MALT1: variants seen among roughly 807,000 people sequenced by gnomAD.
MALT1 encodes mucosa-associated lymphoid tissue lymphoma translocation protein 1.
Under a neutral mutation model 85.5 loss-of-function variants are expected in MALT1, and 36 were observed. That is an observed-to-expected ratio of 0.42 (90% CI 0.32 to 0.56). MALT1 has a LOEUF of 0.56. MALT1 is among the 20% of genes least tolerant of loss of function. The pLI, the probability that MALT1 is intolerant of heterozygous loss-of-function variation, is 0.10. For synonymous variants in MALT1, 359 were observed against 361.3 expected (o/e 0.99, Z 0.07); for missense variants, 716 against 981.6 (o/e 0.73, Z 3.62).
At chr18:58,734,151 G>A in intron 11 of MALT1, 156 bp from the exon 12 acceptor site, 1 of 1,183,334 alleles carries the variant, frequency 8.5e-7, no homozygotes, top group Non-Finnish European at 1.1e-6. Context: ...GTTATTTTGG[G>A]TAGATATGTA....
chr18:58,745,364 GCT>G (rs1398392735), intron 15 of MALT1, among the ~76,000 whole-genome samples: 3 of 152,216 alleles, frequency 2.0e-5, no homozygotes, highest in Non-Finnish European at 2.9e-5. Flanking sequence ...CACTAATGGG[GCT>G]CTCTCTGCTT....
intron 1 of MALT1, among the ~76,000 whole-genome samples, chr18:58,676,867 C>T (rs2054247462): frequency 6.6e-6 from 1 of 151,914 alleles, no homozygotes; most frequent in Admixed American, 6.6e-5. Flanking sequence ...AATAAAGATT[C>T]CAAATAGTAA....
At chr18:58,695,217 C>T (rs1188089454) in intron 2 of MALT1, among the ~76,000 whole-genome samples, 1 of 152,184 alleles carries the variant, frequency 6.6e-6, no homozygotes, top group Non-Finnish European at 1.5e-5. Context: ...ATTGCCCAGT[C>T]GTGGGTATGC....
At chr18:58,678,273 A>G (rs2144302792) in intron 1 of MALT1, among the ~76,000 whole-genome samples, 1 of 152,378 alleles carries the variant, frequency 6.6e-6, no homozygotes, top group Admixed American at 6.5e-5. Context: ...TAATATTTCA[A>G]GCAATAAAAT....
chr18:58,735,138 A>G (rs1412200332), intron 12 of MALT1, 64 bp from the exon 13 acceptor site: 5 of 1,393,798 alleles, frequency 3.6e-6, no homozygotes, highest in East Asian at 2.4e-5. Flanking sequence ...GCATCCACAT[A>G]TAAGTGAGAA....
In MALT1 at chr18:58,745,909, G is replaced by C. The variant is rs868338949; in HGVS notation, c.2037+118G>C. The C allele has an allele frequency of 2.1e-4, 194 of 904,548 alleles. 1 individual carries two copies. In the African/African-American group the frequency reaches 3.0e-3, roughly 14 times the overall value. 56.0% of individuals were successfully genotyped at this position (904,548 alleles called of 1,614,324 possible). A position where few individuals can be genotyped will look rare whatever the true frequency, so the allele number is the denominator to read the frequency against. On this transcript the variant is annotated intron_variant, in intron 16 of 16. Coordinates refer to ENST00000649217, the MANE Select transcript of MALT1 (RefSeq NM_006785.4). The stretch of plus-strand genomic sequence containing the variant: ...TTAAAGTAGAGATAACCAGTCTACA[G>C]AAGGTCCTATCAGTGACCCTTTTTA...
Position 58,750,198 on chromosome 18 carries a change from T to C in MALT1, c.*2356T>C, listed in dbSNP as rs1469969166. The stretch of plus-strand genomic sequence containing the variant: ...ACAGCAAACATTCTGAAAATGAGAA[T>C]AAAGAAATCCTATATACAGTAGCAT... On this transcript the variant is annotated 3_prime_UTR_variant, in exon 17 of 17. Coordinates refer to ENST00000649217, the MANE Select transcript of MALT1 (RefSeq NM_006785.4). The C allele has an allele frequency of 5.7e-6, 1 of 174,240 alleles. No individual in the cohort carries two copies. Among genetic ancestry groups the C allele is most frequent in the African/African-American group, 2.4e-5 (1 of 42,140 alleles). The allele number at this position is 174,240 out of a possible 1,614,324, so 10.8% of individuals were successfully genotyped here. A position where few individuals can be genotyped will look rare whatever the true frequency, so the allele number is the denominator to read the frequency against.
chr18:58,671,938 G>A (rs2054168394), intron 1 of MALT1, 86 bp downstream of exon 1: 3 of 978,922 alleles, frequency 3.1e-6, no homozygotes, highest in South Asian at 5.1e-5. Flanking sequence ...CGGTGGGGCT[G>A]AGCGCGGCGG....
chr18:58,742,728 T>C (rs531853707), intron 14 of MALT1, among the ~76,000 whole-genome samples: 1 of 152,172 alleles, frequency 6.6e-6, no homozygotes, highest in East Asian at 1.9e-4. Flanking sequence ...GAAAAAGAAA[T>C]AGTACCTGCC....
chr18:58,737,315 CTA>C (rs2055236785), intron 13 of MALT1, among the ~76,000 whole-genome samples: 3 of 152,012 alleles, frequency 2.0e-5, no homozygotes, highest in Admixed American at 2.0e-4. Context: ...CCCCCCATCT[CTA>C]TAAAAATTTA....
chr18:58,722,545 G>A (rs757262306), intron 9 of MALT1, among the ~76,000 whole-genome samples: 1 of 151,980 alleles, frequency 6.6e-6, no homozygotes, highest in Non-Finnish European at 1.5e-5. Context: ...CAGTACCCGT[G>A]AAGTTCTCTC....
At chr18:58,684,435 T>C (rs1375868726) in intron 2 of MALT1, among the ~76,000 whole-genome samples, 2 of 134,502 alleles carry the variant, frequency 1.5e-5, no homozygotes, top group Non-Finnish European at 3.0e-5. Context: ...ATCTAAGATT[T>C]ACTCTTTTTT....
At chr18:58,710,105 G>A in intron 6 of MALT1, 33 bp downstream of exon 6, 1 of 1,359,274 alleles carries the variant, frequency 7.4e-7, no homozygotes, top group Non-Finnish European at 1.0e-6. Context: ...TCTGACAAGT[G>A]GACTATAATA....
At chr18:58,711,021 C>A in intron 7 of MALT1, 68 bp downstream of exon 7, 1 of 1,137,024 alleles carries the variant, frequency 8.8e-7, no homozygotes, top group Non-Finnish European at 1.3e-6. Flanking sequence ...TGGTGGAGTG[C>A]TTTTAGCCTA....
intron 13 of MALT1, 51 bp downstream of exon 13, chr18:58,735,380 GAC>G (rs2055209800): frequency 1.3e-6 from 2 of 1,547,858 alleles, no homozygotes; most frequent in African/African-American, 1.4e-5. Context: ...GAGCAGGGGA[GAC>G]ACACCTATTC....
intron 2 of MALT1, among the ~76,000 whole-genome samples, chr18:58,686,312 C>T (rs2054402323): frequency 1.3e-5 from 2 of 152,200 alleles, no homozygotes; most frequent in African/African-American, 2.4e-5. Context: ...CAGGCATGAG[C>T]CACCACACAC....
chr18:58,740,923 G>T (rs56323611), intron 13 of MALT1, among the ~76,000 whole-genome samples: 26,242 of 151,910 alleles, frequency 0.17, 2,763 homozygotes, highest in East Asian at 0.29. Context: ...GACTATTTTC[G>T]TGTTTTAAAT....
rs1415196186 is a variant in MALT1, at chr18:58,752,322, A to T, written c.*4480A>T. 1 of 152,182 alleles carries T rather than the reference A, an allele frequency of 6.6e-6. No homozygotes were observed. The highest frequency in any genetic ancestry group is 1.5e-5 in the Non-Finnish European group (1 of 68,030). The allele number at this position is 152,182 out of a possible 1,614,324, so 9.4% of individuals were successfully genotyped here. A position where few individuals can be genotyped will look rare whatever the true frequency, so the allele number is the denominator to read the frequency against. ...TACTTTTAAGGGTTTTTTTCCAAAC[A>T]GACGTCCTGACAATGTTGTTTCCTA... On this transcript the variant is annotated 3_prime_UTR_variant, in exon 17 of 17. Coordinates refer to ENST00000649217, the MANE Select transcript of MALT1 (RefSeq NM_006785.4).
At chr18:58,727,628 G>GTTTTTTTT (rs74183292) in intron 10 of MALT1, among the ~76,000 whole-genome samples, 2 of 130,644 alleles carry the variant, frequency 1.5e-5, no homozygotes, top group Non-Finnish European at 3.2e-5. Flanking sequence ...TTTTTTTTTT[G>GTTTTTTTT]TTTTTTTTTT....
Sources: allele counts gnomAD v4.1 joint callset (sites outside exome capture counted in the v4.1 genomes callset), GRCh38; gene constraint gnomAD v4.1.1; transcripts MANE v1.5; gene names NCBI Gene and HGNC (gene_info 2026-07-23, HGNC 2026-07-21).